Variants in AMPH observed in about 807,000 individuals in gnomAD.
The protein encoded by AMPH is amphiphysin, also known as amphiphysin (Stiff-Mann syndrome with breast cancer 128kD autoantigen).
AMPH carries 49 observed loss-of-function variants against 99.1 expected under a neutral mutation model. That is an observed-to-expected ratio of 0.49 (90% CI 0.39 to 0.63). AMPH has a LOEUF of 0.63. Among genes scored for constraint, AMPH ranks in the 20% least tolerant of loss-of-function variants. The pLI, the probability that AMPH is intolerant of heterozygous loss-of-function variation, is 0.00. For synonymous variants in AMPH, 314 were observed against 317.3 expected, an observed-to-expected ratio of 0.99 and a Z score of 0.11; for missense variants, 759 against 863.4, an observed-to-expected ratio of 0.88 and a Z score of 1.52.
At chr7:38,418,026 A>T in intron 16 of AMPH, 76 bp from the exon 17 acceptor site, 1 of 1,475,212 alleles carries the variant, frequency 6.8e-7, no homozygotes, top group Non-Finnish European at 9.1e-7. Context: ...ATACTGGACA[A>T]TTAAGATTTT....
At chr7:38,559,378 C>T (rs965556064) in intron 1 of AMPH, among the ~76,000 whole-genome samples, 1 of 152,216 alleles carries the variant, frequency 6.6e-6, no homozygotes, top group South Asian at 2.1e-4. Context: ...GAACAACAGA[C>T]AGTGGTTTCT....
At position 38,463,144 on chromosome 7, in the gene AMPH, C is replaced by A. The variant is rs1327083117; in HGVS notation, c.750-31G>T. 3 of 1,613,734 alleles carry A rather than the reference C, an allele frequency of 1.9e-6. 1 individual carries two copies. The African/African-American group carries it at 4.0e-5, about 22-fold the overall frequency. ...GGAACACAGGGGATTGGGCAAGGGG[C>A]CTTCTCAAGAACAGTATTCATCTAA... On this transcript the variant is annotated intron_variant, in intron 9 of 20. Transcript: ENST00000356264.
intron 2 of AMPH, among the ~76,000 whole-genome samples, chr7:38,521,380 G>T (rs1789950487): frequency 6.6e-6 from 1 of 152,122 alleles, no homozygotes; most frequent in Non-Finnish European, 1.5e-5. Context: ...AATTAGTCAG[G>T]CGTGGTGGCA....
intron 1 of AMPH, among the ~76,000 whole-genome samples, chr7:38,567,369 C>T (rs1293237552): frequency 6.6e-6 from 1 of 152,036 alleles, no homozygotes; most frequent in African/African-American, 2.4e-5. Flanking sequence ...GCGGGAACAT[C>T]ACACAGCAGG....
At chr7:38,605,866 G>A (rs761008306) in intron 1 of AMPH, among the ~76,000 whole-genome samples, 4 of 152,090 alleles carry the variant, frequency 2.6e-5, no homozygotes, top group Non-Finnish European at 5.9e-5. Context: ...GTGAGCCACC[G>A]CACCTGGCCT....
At position 38,519,403 on chromosome 7, in the gene AMPH, T is replaced by A. The variant is rs1789870531; in HGVS notation, c.150+15528A>T. 6.6e-5 allele frequency among the ~76,000 whole-genome samples: 10 copies of A among 152,300 alleles called. No individual in the cohort carries two copies. The South Asian group carries it at 2.1e-3, about 32-fold the overall frequency. On this transcript the variant is annotated intron_variant, in intron 2 of 20. Coordinates refer to ENST00000356264, the MANE Select transcript of AMPH (RefSeq NM_001635.4). ...CAAAACTCATAATTACAAAAGAAGT[T>A]TCTCATACCAATTAATTGATATCAA...
At chr7:38,555,113 T>C (rs909607089) in intron 1 of AMPH, among the ~76,000 whole-genome samples, 12 of 152,170 alleles carry the variant, frequency 7.9e-5, no homozygotes, top group Non-Finnish European at 1.6e-4. Context: ...CAGTCCCATG[T>C]CAGGGCAAGA....
At chr7:38,595,695 T>G (rs1311666919) in intron 1 of AMPH, among the ~76,000 whole-genome samples, 1 of 152,210 alleles carries the variant, frequency 6.6e-6, no homozygotes, top group African/African-American at 2.4e-5. Context: ...AGTACCCATT[T>G]GGTAATTTTT....
chr7:38,589,954 T>C (rs1005485034), intron 1 of AMPH, among the ~76,000 whole-genome samples: 7 of 152,144 alleles, frequency 4.6e-5, no homozygotes, highest in African/African-American at 1.4e-4. Context: ...CTTAATGAGT[T>C]CTTGTTGCTC....
chr7:38,446,416 T>C (rs1167149353), intron 11 of AMPH, among the ~76,000 whole-genome samples: 2 of 152,192 alleles, frequency 1.3e-5, no homozygotes, highest in Middle Eastern at 3.2e-3. Context: ...AACTCAAACA[T>C]CCATCAGATA....
At chr7:38,493,568 A>C (rs971527326) in intron 4 of AMPH, among the ~76,000 whole-genome samples, 14 of 152,160 alleles carry the variant, frequency 9.2e-5, no homozygotes, top group African/African-American at 3.4e-4. Flanking sequence ...CAGAGAACAA[A>C]ACCCACTTGC....
At chr7:38,595,812 G>A (rs1793032903) in intron 1 of AMPH, among the ~76,000 whole-genome samples, 1 of 152,178 alleles carries the variant, frequency 6.6e-6, no homozygotes, top group East Asian at 1.9e-4. Context: ...GTGAGAACAT[G>A]CAGTATTTGG....
intron 2 of AMPH, among the ~76,000 whole-genome samples, chr7:38,514,120 T>A (rs1760431714): frequency 6.6e-6 from 1 of 152,192 alleles, no homozygotes; most frequent in East Asian, 1.9e-4. Context: ...TATAATCTAC[T>A]TAGTAATTGT....
intron 1 of AMPH, among the ~76,000 whole-genome samples, chr7:38,600,803 T>C (rs1457978954): frequency 1.3e-5 from 2 of 152,250 alleles, no homozygotes; most frequent in Non-Finnish European, 1.5e-5. Flanking sequence ...ATTCATGAGT[T>C]AGCTTTGGCT....
At chr7:38,448,611 T>C (rs1017666106) in intron 11 of AMPH, among the ~76,000 whole-genome samples, 5 of 152,184 alleles carry the variant, frequency 3.3e-5, no homozygotes, top group African/African-American at 1.2e-4. Flanking sequence ...TCTCCAAATA[T>C]CTTACTGTTA....
intron 1 of AMPH, 74 bp downstream of exon 1, chr7:38,631,209 A>C: frequency 1.5e-6 from 2 of 1,363,484 alleles, no homozygotes; most frequent in Non-Finnish European, 1.9e-6. Context: ...GGCCCCGCAC[A>C]GCTGCAGCCG....
chr7:38,391,952 T>G lies in AMPH; in HGVS notation c.1674A>C (p.Glu558Asp), dbSNP rs770087957. The G allele has an allele frequency of 5.0e-6, 8 of 1,612,038 alleles. No individual in the cohort carries two copies. Among genetic ancestry groups the G allele is most frequent in the Non-Finnish European group, 6.8e-6 (8 of 1,180,014 alleles). The change falls in exon 19 of 21, where the codon GAA becomes GAC. Residue 558 changes from glutamate (E) to aspartate (D), a missense_variant. Physicochemically the swap from Glu to Asp is conservative, Grantham distance 45. Around this residue, in one of 2 missense-constraint regions of AMPH, gnomAD observed 554 missense variants for 575.6 expected, o/e 0.96. Transcript: ENST00000356264. ...ASNHEEEGENEITIGAEPKET... is the reference protein window; with the variant it reads ...ASNHEEEGENDITIGAEPKET... ...CCTTGGGCTCTGCACCTATAGTTAT[T>G]TCGTTTTCTCCTTCCTCTTCATGGT...
intron 10 of AMPH, among the ~76,000 whole-genome samples, 178 bp from the exon 11 acceptor site, chr7:38,461,589 G>A (rs1271176059): frequency 2.6e-5 from 4 of 152,292 alleles, no homozygotes; most frequent in Admixed American, 2.6e-4. Context: ...GAGGCTCTCT[G>A]AGCCCTGATA....
intron 1 of AMPH, among the ~76,000 whole-genome samples, chr7:38,572,107 G>A (rs1270749411): frequency 1.3e-5 from 2 of 152,074 alleles, no homozygotes; most frequent in East Asian, 3.9e-4. Context: ...GTTTCTCCAT[G>A]TTGGTCAGGC....
Sources: allele counts gnomAD v4.1 joint callset (sites outside exome capture counted in the v4.1 genomes callset), GRCh38; gene constraint gnomAD v4.1.1; regional missense constraint gnomAD v4.1.1; transcripts MANE v1.5; gene names NCBI Gene and HGNC (gene_info 2026-07-23, HGNC 2026-07-21).